The following ZNF679 variants were observed in gnomAD, a reference collection of about 807,000 sequenced individuals.
ZNF679 encodes the protein zinc finger protein 679.
Under a neutral mutation model 13.4 loss-of-function variants are expected in ZNF679, and 10 were observed. The observed-to-expected ratio is 0.75, with a 90% CI of 0.46 to 1.27. ZNF679 has a LOEUF of 1.27. Among genes scored for constraint, ZNF679 ranks in the 50% most tolerant of loss-of-function variants. ZNF679 has a pLI of 0.00. For synonymous variants in ZNF679, 179 were observed against 162.5 expected (o/e 1.10, Z -0.77); for missense variants, 525 against 477.8 (o/e 1.10, Z -0.92).
At position 64,261,037 on chromosome 7, in the gene ZNF679, T is replaced by C; in HGVS notation, c.262+108T>C. On this transcript the variant is annotated intron_variant, in intron 4 of 4. Coordinates refer to ENST00000421025, the MANE Select transcript of ZNF679 (RefSeq NM_153363.3). ...GGGAGATGTGCTTCCATGGAAAGAG[T>C]TTCTAAGAAGCCCGAGTCATTTTTT... 4 of 1,196,732 alleles carry C rather than the reference T, an allele frequency of 3.3e-6. No individual in the cohort carries two copies. In the South Asian group the frequency reaches 4.7e-5, roughly 14 times the overall value. The allele number at this position is 1,196,732 out of a possible 1,614,324, so 74.1% of individuals were successfully genotyped here.
chr7:64,254,052 C>T (rs1350829242), intron 2 of ZNF679, among the ~76,000 whole-genome samples: 3 of 151,972 alleles, frequency 2.0e-5, no homozygotes, highest in Admixed American at 6.6e-5. Context: ...ATGGGGAGAA[C>T]GTTTCTTTCT....
intron 2 of ZNF679, among the ~76,000 whole-genome samples, chr7:64,254,831 C>T (rs1787982581): frequency 1.3e-5 from 2 of 151,840 alleles, no homozygotes; most frequent in South Asian, 2.1e-4. Context: ...GAAATCCCAT[C>T]TCTACCAAAA....
chr7:64,229,696 T>C (rs901731541), intron 1 of ZNF679, among the ~76,000 whole-genome samples: 1 of 152,304 alleles, frequency 6.6e-6, no homozygotes, highest in Middle Eastern at 3.4e-3. Context: ...CCCTTACCTG[T>C]GTCCCTAAAT....
intron 4 of ZNF679, among the ~76,000 whole-genome samples, chr7:64,261,314 TTC>T (rs1180086160): frequency 4.6e-5 from 7 of 152,186 alleles, no homozygotes; most frequent in Non-Finnish European, 1.0e-4. Context: ...GAATAGTAGT[TTC>T]TGTTTCATTG....
chr7:64,241,462 G>C (rs1225090622), intron 1 of ZNF679, among the ~76,000 whole-genome samples: 3 of 152,174 alleles, frequency 2.0e-5, no homozygotes, highest in Admixed American at 6.5e-5. Context: ...CCTAGGTGGT[G>C]GGCCCAGCGA....
intron 1 of ZNF679, among the ~76,000 whole-genome samples, chr7:64,230,064 G>C (rs865994289): frequency 6.6e-6 from 1 of 152,222 alleles, no homozygotes. Context: ...AGGATCCAGC[G>C]ATATGTTACA....
At chr7:64,246,699 G>T (rs1584230583) in intron 1 of ZNF679, among the ~76,000 whole-genome samples, 1 of 151,788 alleles carries the variant, frequency 6.6e-6, no homozygotes, top group Non-Finnish European at 1.5e-5. Flanking sequence ...CTCCAGCCTG[G>T]GTGACTGAGC....
rs1419295124 is a variant in ZNF679 at position 64,266,437 on chromosome 7, C to A, written c.804C>A (p.Tyr268Ter). The A allele has an allele frequency of 6.2e-7, 1 of 1,611,876 alleles. No homozygotes were observed. Residue 268 changes from tyrosine (Y) to a stop codon, truncating the protein, a stop_gained, in exon 5 of 5, where the codon TAC becomes TAA. Coordinates refer to ENST00000421025, the MANE Select transcript of ZNF679 (RefSeq NM_153363.3). LOFTEE classifies it low-confidence loss of function (END_TRUNC). ...GAATTCATACTGGAGAAAAACCCTA[C>A]ACATGTGAAGAATGTGGCCAAGCCT... ...HRRIHTGEKP[Y>*]TCEECGQAFS... is the part of the protein sequence containing the mutation.
intron 2 of ZNF679, among the ~76,000 whole-genome samples, chr7:64,254,371 C>T (rs1562845416): frequency 6.6e-6 from 1 of 152,052 alleles, no homozygotes; most frequent in Non-Finnish European, 1.5e-5. Flanking sequence ...CCTGCCTCAG[C>T]CTCCCAAAGT....
intron 1 of ZNF679, among the ~76,000 whole-genome samples, chr7:64,236,906 AAAAGAAAGAAAGAAAG>A (rs1178476756): frequency 7.7e-6 from 1 of 129,562 alleles, no homozygotes; most frequent in East Asian, 2.9e-4. Flanking sequence ...GAAAAAGAAA[AAAAGAAAGAAAGAAAG>A]AAGAAAGAAA....
chr7:64,245,031 T>TG (rs1323856471), intron 1 of ZNF679, among the ~76,000 whole-genome samples: 17 of 152,064 alleles, frequency 1.1e-4, no homozygotes, highest in Non-Finnish European at 2.2e-4. Context: ...CTTTCTTTGT[T>TG]TTTTAGCTTT....
chr7:64,236,975 A>AAGAAAGAAAGAGAAAG (rs201487010), intron 1 of ZNF679, among the ~76,000 whole-genome samples: 96 of 16,246 alleles, frequency 5.9e-3, no homozygotes, highest in African/African-American at 0.013. Context: ...GAAAGAAAGA[A>AAGAAAGAAAGAGAAAG]AAAGAAAGAA....
chr7:64,239,423 C>T (rs1787765493), intron 1 of ZNF679, among the ~76,000 whole-genome samples: 1 of 152,110 alleles, frequency 6.6e-6, no homozygotes, highest in Non-Finnish European at 1.5e-5. Flanking sequence ...AATTGGGAGT[C>T]CCATTCCTGG....
At chr7:64,245,604 G>A (rs1787858882) in intron 1 of ZNF679, among the ~76,000 whole-genome samples, 1 of 152,142 alleles carries the variant, frequency 6.6e-6, no homozygotes, top group Non-Finnish European at 1.5e-5. Context: ...AGTCCCATCT[G>A]CTCTCAAGTT....
intron 1 of ZNF679, among the ~76,000 whole-genome samples, chr7:64,246,617 A>G (rs1005859126): frequency 6.6e-6 from 1 of 151,940 alleles, no homozygotes; most frequent in Non-Finnish European, 1.5e-5. Context: ...CGGCTCCTCC[A>G]GAAGCTGAGG....
chr7:64,241,967 G>C (rs1787804646), intron 1 of ZNF679, among the ~76,000 whole-genome samples: 1 of 152,198 alleles, frequency 6.6e-6, no homozygotes, highest in African/African-American at 2.4e-5. Context: ...CCACAAATGT[G>C]CTGGCTTCAC....
Position 64,266,256 on chromosome 7 carries a change from G to T in ZNF679, c.623G>T (p.Arg208Met). The T allele has an allele frequency of 1.3e-6, 2 of 1,586,404 alleles. No homozygotes were observed. The highest frequency in any genetic ancestry group is 2.3e-5 in the East Asian group (1 of 43,146). Residue 208 changes from arginine (R) to methionine (M), a missense_variant, in exon 5 of 5, where the codon AGG (arginine) becomes ATG (methionine). Physicochemically the swap from Arg to Met is moderately conservative, Grantham distance 91. Transcript: ENST00000421025. ...QLHQHQIIHT[R>M]ENSYQCEECG... ...CATCAACATCAGATAATTCATACTA[G>T]GGAGAATTCCTACCAATGTGAAGAA...
At chr7:64,260,998 T>TAA in intron 4 of ZNF679, 69 bp downstream of exon 4, 1 of 1,458,900 alleles carries the variant, frequency 6.9e-7, no homozygotes, top group Non-Finnish European at 9.3e-7. Context: ...AGCCAGTCCT[T>TAA]AAAATGTGAT....
In ZNF679 at chr7:64,228,587, G is replaced by A. The variant is rs1174597924; in HGVS notation, c.-156G>A. 6.6e-6 allele frequency: 1 copy of A among 152,220 alleles called. No individual in the cohort carries two copies. Among genetic ancestry groups the A allele is most frequent in the African/African-American group, 2.4e-5 (1 of 41,458 alleles). The allele number at this position is 152,220 out of a possible 1,614,324, so 9.4% of individuals were successfully genotyped here. A position where few individuals can be genotyped will look rare whatever the true frequency, so the allele number is the denominator to read the frequency against. On this transcript the variant is annotated 5_prime_UTR_variant, in exon 1 of 5. Coordinates refer to ENST00000421025, the MANE Select transcript of ZNF679 (RefSeq NM_153363.3). The stretch of plus-strand genomic sequence containing the variant: ...TACGCCACAATCACACCTGCGGGAA[G>A]GACCAGGAATAAATTTCACAATTCT...
Sources: gnomAD v4.1 joint callset for allele counts (sites outside exome capture counted in the v4.1 genomes callset) on GRCh38, gnomAD v4.1.1 for gene constraint, MANE v1.5 for transcripts, NCBI Gene and HGNC (gene_info 2026-07-23, HGNC 2026-07-21) for gene names.